Variants in PPARGC1A observed in about 807,000 individuals in gnomAD.
The protein encoded by PPARGC1A is PPARG coactivator 1 alpha, also known as peroxisome proliferator-activated receptor gamma coactivator 1-alpha.
Under a neutral mutation model 88.7 loss-of-function variants are expected in PPARGC1A, and 25 were observed. The observed-to-expected ratio is 0.28, with a 90% CI of 0.21 to 0.39. PPARGC1A has a LOEUF of 0.39. Among genes scored for constraint, PPARGC1A ranks in the 10% least tolerant of loss-of-function variants. The probability of loss-of-function intolerance (pLI) is 1.00; values close to 1 mark genes in which losing one functional copy is unlikely to be tolerated. For synonymous variants in PPARGC1A, 363 were observed against 355.6 expected (o/e 1.02, Z -0.24); for missense variants, 880 against 968.7 (o/e 0.91, Z 1.22).
intron 3 of PPARGC1A, among the ~76,000 whole-genome samples, chr4:23,831,034 T>C (rs900645201): frequency 2.0e-5 from 3 of 152,196 alleles, no homozygotes; most frequent in Non-Finnish European, 4.4e-5. Context: ...ATTATACAAT[T>C]TGAAATAGTG....
At chr4:23,892,063 G>A (rs1050874179), upstream of PPARGC1A, among the ~76,000 whole-genome samples, 1 of 152,070 alleles carries the variant, frequency 6.6e-6, no homozygotes, top group Non-Finnish European at 1.5e-5. Context: ...CTTTATTTGT[G>A]TTTATCCAAT....
the PPARGC1A span, among the ~76,000 whole-genome samples, chr4:23,915,214 A>G: frequency 6.6e-6 from 1 of 152,188 alleles, no homozygotes; most frequent in East Asian, 1.9e-4. Context: ...CTAGGCACAT[A>G]AAACAAGGCA....
intron 2 of PPARGC1A, chr4:23,883,697 T>C (rs922590163): frequency 2.0e-5 from 3 of 152,232 alleles, no homozygotes; most frequent in African/African-American, 7.2e-5. Context: ...ATTATTGTCA[T>C]TACTATTATT....
chr4:24,244,435 C>T, the PPARGC1A span, among the ~76,000 whole-genome samples: 1 of 152,104 alleles, frequency 6.6e-6, no homozygotes, highest in Admixed American at 6.5e-5. Context: ...TGTATTAAGC[C>T]TTCTTAATAG....
At chr4:24,219,343 T>C in the PPARGC1A span, among the ~76,000 whole-genome samples, 1 of 152,194 alleles carries the variant, frequency 6.6e-6, no homozygotes. Flanking sequence ...AGAGCAGCTG[T>C]CAGATCAATG....
the PPARGC1A span, among the ~76,000 whole-genome samples, chr4:23,935,365 T>C: frequency 6.6e-6 from 1 of 152,196 alleles, no homozygotes; most frequent in African/African-American, 2.4e-5. Flanking sequence ...GTAAATTATA[T>C]ACTAATTTTG....
chr4:23,960,355 G>A, the PPARGC1A span, among the ~76,000 whole-genome samples: 2 of 152,038 alleles, frequency 1.3e-5, no homozygotes, highest in Non-Finnish European at 2.9e-5. Context: ...ACATCACACA[G>A]AACAGCCTCA....
the PPARGC1A span, among the ~76,000 whole-genome samples, chr4:24,301,830 G>C: frequency 6.6e-6 from 1 of 152,042 alleles, no homozygotes; most frequent in Admixed American, 6.6e-5. Context: ...CAAAGATCCT[G>C]TTTGGGGTCT....
Position 23,824,449 on chromosome 4 carries a change from T to A in PPARGC1A, c.803+14A>T. On this transcript the variant is annotated intron_variant, in intron 6 of 12. Coordinates refer to ENST00000264867, the MANE Select transcript of PPARGC1A (RefSeq NM_013261.5). ...CTTCCCTTTCAGAAAATGGTTACATTTCTTAATACTTACTTTGGTGACTCT... is the reference window on the plus strand; with the variant it reads ...CTTCCCTTTCAGAAAATGGTTACATATCTTAATACTTACTTTGGTGACTCT... The A allele has an allele frequency of 6.2e-7, 1 of 1,609,770 alleles. No homozygotes were observed. Among genetic ancestry groups the A allele is most frequent in the Non-Finnish European group, 8.5e-7 (1 of 1,176,216 alleles).
the PPARGC1A span, among the ~76,000 whole-genome samples, chr4:23,915,584 G>A: frequency 2.7e-4 from 41 of 152,112 alleles, no homozygotes; most frequent in Non-Finnish European, 5.7e-4. Context: ...ACACTCATGA[G>A]GACAAGAGTC....
the PPARGC1A span, among the ~76,000 whole-genome samples, chr4:24,158,438 G>A: frequency 6.6e-6 from 1 of 152,202 alleles, no homozygotes; most frequent in African/African-American, 2.4e-5. Context: ...TCAGGCATAT[G>A]TCATGCTCTC....
chr4:24,459,782 C>A, the PPARGC1A span, among the ~76,000 whole-genome samples: 2 of 152,258 alleles, frequency 1.3e-5, no homozygotes, highest in African/African-American at 4.8e-5. Context: ...CAGAGCGAGA[C>A]CCTGTCTAAA....
chr4:24,039,295 A>G, the PPARGC1A span, among the ~76,000 whole-genome samples: 2 of 152,154 alleles, frequency 1.3e-5, no homozygotes, highest in Non-Finnish European at 2.9e-5. Context: ...CAATTACACC[A>G]CCGAGTAATT....
rs1367945377 is a variant in PPARGC1A, at chr4:23,828,441, T to C, written c.716A>G (p.Lys239Arg). The change falls in exon 5 of 13, where the codon AAA becomes AGA. Residue 239 changes from lysine (K) to arginine (R), a missense_variant. Coordinates refer to ENST00000264867, the MANE Select transcript of PPARGC1A (RefSeq NM_013261.5). The stretch of plus-strand genomic sequence containing the variant: ...CTGCGACTGTGTGTGGGACTTCTTT[T>C]TGGAGGTGCATTTGTCTCTGCTGCT... Reference protein sequence around the residue: ...RNSSRDKCTSKKKSHTQSQSQ... With the variant: ...RNSSRDKCTSRKKSHTQSQSQ... The C allele has an allele frequency of 1.9e-6, 3 of 1,613,970 alleles. No homozygotes were observed. Among genetic ancestry groups the C allele is most frequent in the South Asian group, 1.1e-5 (1 of 91,060 alleles).
chr4:24,112,799 T>A, the PPARGC1A span, among the ~76,000 whole-genome samples: 1 of 152,162 alleles, frequency 6.6e-6, no homozygotes, highest in Admixed American at 6.5e-5. Flanking sequence ...GTGCTCATTA[T>A]CAAGTGTGGC....
chr4:23,827,609 G>C (rs1343394548), intron 5 of PPARGC1A, among the ~76,000 whole-genome samples: 3 of 152,130 alleles, frequency 2.0e-5, no homozygotes, highest in Non-Finnish European at 4.4e-5. Context: ...TTGTATCTCT[G>C]CCAAGAGAGG....
the PPARGC1A span, among the ~76,000 whole-genome samples, chr4:24,136,678 T>C: frequency 3.9e-5 from 6 of 152,184 alleles, no homozygotes; most frequent in Admixed American, 2.6e-4. Context: ...GCCTGTTTCC[T>C]CACCTGAAAA....
At chr4:24,092,300 T>TGA in the PPARGC1A span, among the ~76,000 whole-genome samples, 2 of 152,100 alleles carry the variant, frequency 1.3e-5, no homozygotes, top group South Asian at 2.1e-4. Flanking sequence ...TTGAATGAAC[T>TGA]CCTCAAACTT....
At chr4:24,004,109 G>C in the PPARGC1A span, among the ~76,000 whole-genome samples, 1 of 152,132 alleles carries the variant, frequency 6.6e-6, no homozygotes. Context: ...AACTGATGTT[G>C]GGCATCGTTG....
Sources: gnomAD v4.1 joint callset for allele counts (sites outside exome capture counted in the v4.1 genomes callset) on GRCh38, gnomAD v4.1.1 for gene constraint, MANE v1.5 for transcripts, NCBI Gene and HGNC (gene_info 2026-07-23, HGNC 2026-07-21) for gene names.